Variants in MDFIC2 observed in about 807,000 individuals in gnomAD.
MDFIC2 encodes MyoD family inhibitor domain containing 2.
chr3:70,300,368 C>T (rs1702335923), intron 2 of MDFIC2, among the ~76,000 whole-genome samples: 1 of 151,988 alleles, frequency 6.6e-6, no homozygotes, highest in Admixed American at 6.6e-5. Context: ...ATAGGCACAT[C>T]GAGTATTATT....
At chr3:70,214,298 C>T (rs570637132) in intron 2 of MDFIC2, among the ~76,000 whole-genome samples, 35 of 152,028 alleles carry the variant, frequency 2.3e-4, no homozygotes, top group Admixed American at 3.9e-4. Flanking sequence ...TCGTATAAAT[C>T]GTTGTTTTGA....
rs572642561 is a variant in MDFIC2, at chr3:70,299,587, G to A, written c.88+12299C>T. 7.6e-4 allele frequency among the ~76,000 whole-genome samples: 115 copies of A among 152,194 alleles called. 1 individual carries two copies. The highest frequency in any genetic ancestry group is 2.6e-3 in the African/African-American group (110 of 41,548). On this transcript the variant is annotated intron_variant, in intron 2 of 3. Coordinates refer to ENST00000567252, the MANE Select transcript of MDFIC2 (RefSeq NM_001364677.1). The stretch of plus-strand genomic sequence containing the variant: ...ATGGCCAAGGCTCGTTGGAGTCAGC[G>A]TTCTCTTGGGTGCCAGCCCTTTGTT...
intron 2 of MDFIC2, among the ~76,000 whole-genome samples, chr3:70,237,361 A>G (rs1228260671): frequency 3.9e-5 from 6 of 152,126 alleles, no homozygotes; most frequent in Admixed American, 6.5e-5. Flanking sequence ...CATCCCTCTC[A>G]TATGTGTGAT....
At chr3:70,213,468 A>G (rs1701370060) in intron 2 of MDFIC2, among the ~76,000 whole-genome samples, 1 of 152,138 alleles carries the variant, frequency 6.6e-6, no homozygotes, top group African/African-American at 2.4e-5. Context: ...ATGGTGAATT[A>G]TGTTTTCCCT....
intron 2 of MDFIC2, among the ~76,000 whole-genome samples, chr3:70,306,099 G>A (rs1702397208): frequency 6.6e-6 from 1 of 151,986 alleles, no homozygotes; most frequent in Admixed American, 6.6e-5. Context: ...AAATAATGGA[G>A]TTTATTTATT....
At chr3:70,237,688 A>G (rs910009846) in intron 2 of MDFIC2, among the ~76,000 whole-genome samples, 2 of 152,234 alleles carry the variant, frequency 1.3e-5, no homozygotes, top group African/African-American at 4.8e-5. Context: ...TTTGTTATCT[A>G]ACATGTATAC....
At chr3:70,259,023 A>G (rs1162929249) in intron 2 of MDFIC2, among the ~76,000 whole-genome samples, 1 of 152,192 alleles carries the variant, frequency 6.6e-6, no homozygotes, top group African/African-American at 2.4e-5. Context: ...TACTCAAGTT[A>G]GTGCTAATTA....
chr3:70,261,925 C>T (rs991283805), intron 2 of MDFIC2, among the ~76,000 whole-genome samples: 3 of 152,090 alleles, frequency 2.0e-5, no homozygotes, highest in Admixed American at 6.6e-5. Context: ...TTACCATAAA[C>T]GGCCAAGTTT....
At chr3:70,310,670 G>A (rs1702446268) in intron 2 of MDFIC2, among the ~76,000 whole-genome samples, 2 of 152,098 alleles carry the variant, frequency 1.3e-5, no homozygotes, top group South Asian at 4.1e-4. Flanking sequence ...CCGGCCATAG[G>A]TGTATTTTTA....
At position 70,271,998 on chromosome 3, in the gene MDFIC2, G is replaced by A. The variant is rs183391721; in HGVS notation, c.88+39888C>T. The A allele has an allele frequency of 2.0e-5, 3 of 152,292 alleles. No individual in the cohort carries two copies. The East Asian group carries it at 5.8e-4, about 29-fold the overall frequency. 9.4% of individuals were successfully genotyped at this position (152,292 alleles called of 1,614,324 possible). ...GGCTGATCTTTAACTCTGAACTTCAGGTGATCCGCCTGCCTTGGCCTCCCA... is the reference window on the plus strand; with the variant it reads ...GGCTGATCTTTAACTCTGAACTTCAAGTGATCCGCCTGCCTTGGCCTCCCA... On this transcript the variant is annotated intron_variant, in intron 2 of 3. Coordinates refer to ENST00000567252, the MANE Select transcript of MDFIC2 (RefSeq NM_001364677.1).
At chr3:70,248,212 G>T (rs1361173160) in intron 2 of MDFIC2, among the ~76,000 whole-genome samples, 1 of 152,050 alleles carries the variant, frequency 6.6e-6, no homozygotes, top group South Asian at 2.1e-4. Flanking sequence ...AAGCATTGTA[G>T]TTATGTGCTA....
At chr3:70,224,599 C>T (rs1701487373) in intron 2 of MDFIC2, among the ~76,000 whole-genome samples, 1 of 152,164 alleles carries the variant, frequency 6.6e-6, no homozygotes, top group South Asian at 2.1e-4. Flanking sequence ...ACAACTGCCC[C>T]TTTGGCTTCT....
At chr3:70,267,962 TCCTTTCGCCTCCCCTTTCGCCTCC>T (rs1215454275) in intron 2 of MDFIC2, among the ~76,000 whole-genome samples, 1 of 151,454 alleles carries the variant, frequency 6.6e-6, no homozygotes, top group South Asian at 2.1e-4. Flanking sequence ...CCTTCTCCTT[TCCTTTCGCCTCCCCTTTCGCCTCC>T]CCTTTCACCT....
intron 2 of MDFIC2, among the ~76,000 whole-genome samples, chr3:70,305,027 A>C (rs1175871910): frequency 1.3e-5 from 2 of 151,910 alleles, no homozygotes; most frequent in African/African-American, 4.8e-5. Context: ...CATTCTTCTT[A>C]TTTAAGTCTC....
intron 2 of MDFIC2, among the ~76,000 whole-genome samples, chr3:70,227,427 C>CA (rs1701518213): frequency 6.6e-6 from 1 of 152,084 alleles, no homozygotes; most frequent in Non-Finnish European, 1.5e-5. Flanking sequence ...GCAAAGAAGG[C>CA]AAGTATACTT....
At chr3:70,253,557 T>C (rs867405230) in intron 2 of MDFIC2, among the ~76,000 whole-genome samples, 1 of 152,156 alleles carries the variant, frequency 6.6e-6, no homozygotes, top group Non-Finnish European at 1.5e-5. Context: ...AGACCTCACC[T>C]ACAACATACA....
intron 2 of MDFIC2, among the ~76,000 whole-genome samples, chr3:70,240,303 A>AG (rs1182905480): frequency 6.6e-6 from 1 of 151,938 alleles, no homozygotes; most frequent in African/African-American, 2.4e-5. Flanking sequence ...AAAAAACAGT[A>AG]GCTAAGCCAG....
At chr3:70,311,855 C>T (rs1029461646) in intron 2 of MDFIC2, 31 bp downstream of exon 2, 2 of 397,276 alleles carry the variant, frequency 5.0e-6, no homozygotes, top group Admixed American at 8.8e-5. Flanking sequence ...AATTTTCACA[C>T]CAATAGAAAA....
At position 70,196,678 on chromosome 3, in the gene MDFIC2, A is replaced by T. The variant is rs1701184721; in HGVS notation, c.*248T>A. On this transcript the variant is annotated 3_prime_UTR_variant, in exon 4 of 4. Transcript: ENST00000567252. ...CTTGTACCTACAGCATTTAAGAGGT[A>T]TTTAAGATTTGTTCATCACATGTGA... Among the ~76,000 whole-genome samples, 1 of 152,210 alleles carries T rather than the reference A, an allele frequency of 6.6e-6. No individual in the cohort carries two copies. Among genetic ancestry groups the T allele is most frequent in the Admixed American group, 6.5e-5 (1 of 15,284 alleles).
Sources: gnomAD v4.1 joint callset for allele counts (sites outside exome capture counted in the v4.1 genomes callset) on GRCh38, gnomAD v4.1.1 for gene constraint, MANE v1.5 for transcripts, NCBI Gene and HGNC (gene_info 2026-07-23, HGNC 2026-07-21) for gene names.